Variants in NOS1AP observed in about 807,000 individuals in gnomAD.
NOS1AP encodes nitric oxide synthase 1 adaptor protein, also known as carboxyl-terminal PDZ ligand of neuronal nitric oxide synthase protein.
Under a neutral mutation model 56.2 loss-of-function variants are expected in NOS1AP, and 21 were observed. That is an observed-to-expected ratio of 0.37 (90% CI 0.26 to 0.54). The LOEUF (loss-of-function observed/expected upper bound fraction) is 0.54. Among genes scored for constraint, NOS1AP ranks in the 20% least tolerant of loss-of-function variants. The pLI, the probability that NOS1AP is intolerant of heterozygous loss-of-function variation, is 0.84. For synonymous variants in NOS1AP, 270 were observed against 274.6 expected, an observed-to-expected ratio of 0.98 and a Z score of 0.17; for missense variants, 522 against 657.8, an observed-to-expected ratio of 0.79 and a Z score of 2.26.
At chr1:162,179,815 C>T (rs867959084) in intron 2 of NOS1AP, among the ~76,000 whole-genome samples, 2 of 152,170 alleles carry the variant, frequency 1.3e-5, no homozygotes, top group Non-Finnish European at 2.9e-5. Flanking sequence ...AAAGCTTTGA[C>T]CTCATCCTGC....
At chr1:162,365,662 C>T (rs1338734019) in intron 9 of NOS1AP, 93 bp downstream of exon 9, 5 of 1,448,654 alleles carry the variant, frequency 3.5e-6, no homozygotes, top group African/African-American at 1.4e-5. Context: ...TTTCTTGGAC[C>T]CCTGACCTAC....
At chr1:162,173,542 T>TGGCA (rs1428022020) in intron 2 of NOS1AP, among the ~76,000 whole-genome samples, 11 of 152,120 alleles carry the variant, frequency 7.2e-5, no homozygotes, top group Non-Finnish European at 1.5e-4. Context: ...CCAAAAGCAA[T>TGGCA]GGCAACAAAA....
At chr1:162,363,018 C>A in intron 8 of NOS1AP, 2 of 460,556 alleles carry the variant, frequency 4.3e-6, no homozygotes, top group Non-Finnish European at 5.7e-6. Flanking sequence ...TCCCACACAC[C>A]AAGCAAGCAA....
intron 8 of NOS1AP, among the ~76,000 whole-genome samples, chr1:162,358,077 A>G (rs891098122): frequency 2.6e-5 from 4 of 152,188 alleles, no homozygotes; most frequent in African/African-American, 9.7e-5. Flanking sequence ...GCCTGCATCA[A>G]CATTCTAAAT....
chr1:162,191,301 C>G (rs1263392154), intron 2 of NOS1AP, among the ~76,000 whole-genome samples: 1 of 152,182 alleles, frequency 6.6e-6, no homozygotes, highest in Non-Finnish European at 1.5e-5. Flanking sequence ...TGCCCTGGCC[C>G]CACTTGCTTC....
At chr1:162,255,429 G>C (rs1325923559) in intron 2 of NOS1AP, among the ~76,000 whole-genome samples, 1 of 149,038 alleles carries the variant, frequency 6.7e-6, no homozygotes, top group Non-Finnish European at 1.5e-5. Context: ...TTCAGGTCAG[G>C]AGACCCAGAC....
At chr1:162,086,110 A>G (rs1352990966) in intron 1 of NOS1AP, among the ~76,000 whole-genome samples, 4 of 152,154 alleles carry the variant, frequency 2.6e-5, no homozygotes, top group African/African-American at 7.2e-5. Flanking sequence ...GCGATGGGGC[A>G]GAGCTCATCC....
intron 2 of NOS1AP, among the ~76,000 whole-genome samples, chr1:162,257,597 C>A (rs550998911): frequency 2.6e-5 from 4 of 151,058 alleles, no homozygotes; most frequent in Non-Finnish European, 5.9e-5. Context: ...TGCAGTGAGC[C>A]GAGATCATGC....
At chr1:162,220,041 CT>C (rs1652717109) in intron 2 of NOS1AP, among the ~76,000 whole-genome samples, 1 of 152,214 alleles carries the variant, frequency 6.6e-6, no homozygotes, top group Non-Finnish European at 1.5e-5. Flanking sequence ...AGGGATCCCC[CT>C]GACCTCAGCC....
At chr1:162,136,349 C>T (rs12090048) in intron 1 of NOS1AP, among the ~76,000 whole-genome samples, 7,203 of 152,082 alleles carry the variant, frequency 0.047, 580 homozygotes, top group African/African-American at 0.16. Flanking sequence ...GCTCATGATC[C>T]TCCAACTCCC....
chr1:162,339,041 A>G (rs1252072608), intron 5 of NOS1AP, among the ~76,000 whole-genome samples: 3 of 152,202 alleles, frequency 2.0e-5, no homozygotes, highest in Non-Finnish European at 4.4e-5. Context: ...GTCAGCGTGA[A>G]AAGATGGGTG....
chr1:162,175,943 C>G (rs1411291322), intron 2 of NOS1AP, among the ~76,000 whole-genome samples: 2 of 152,160 alleles, frequency 1.3e-5, no homozygotes, highest in Non-Finnish European at 2.9e-5. Flanking sequence ...GAATCGTTAA[C>G]CCATACCCCC....
rs543708579 is a variant in NOS1AP, at chr1:162,228,670, C to T, written c.178-58674C>T. On this transcript the variant is annotated intron_variant, in intron 2 of 9. Transcript: ENST00000361897. Reference sequence around the variant, plus strand: ...CAAGGCTGACACTTACCTTCTAACTCGCTCAAATGGATCAAGGTTCCTTTT... The same window carrying T: ...CAAGGCTGACACTTACCTTCTAACTTGCTCAAATGGATCAAGGTTCCTTTT... 3.6e-4 allele frequency among the ~76,000 whole-genome samples: 55 copies of T among 152,312 alleles called. No individual in the cohort carries two copies. In the South Asian group the frequency reaches 6.2e-3, roughly 17 times the overall value.
At chr1:162,337,579 T>C (rs980080877) in intron 5 of NOS1AP, among the ~76,000 whole-genome samples, 1 of 152,104 alleles carries the variant, frequency 6.6e-6, no homozygotes, top group Non-Finnish European at 1.5e-5. Flanking sequence ...GATGAGAAAA[T>C]CAATACTGAG....
chr1:162,358,631 G>A (rs948856983), intron 8 of NOS1AP, among the ~76,000 whole-genome samples: 1 of 152,172 alleles, frequency 6.6e-6, no homozygotes, highest in South Asian at 2.1e-4. Context: ...AGCAGTCTGA[G>A]AATCCCCTCC....
intron 1 of NOS1AP, among the ~76,000 whole-genome samples, chr1:162,080,604 A>G (rs1456559617): frequency 2.0e-5 from 3 of 152,194 alleles, no homozygotes; most frequent in Admixed American, 2.0e-4. Context: ...GAGAAAGGAG[A>G]CAGGAAGGAG....
At chr1:162,212,033 T>C (rs1652367346) in intron 2 of NOS1AP, among the ~76,000 whole-genome samples, 1 of 152,216 alleles carries the variant, frequency 6.6e-6, no homozygotes, top group Non-Finnish European at 1.5e-5. Context: ...TCATAATCTC[T>C]AGTCGATGCT....
intron 7 of NOS1AP, among the ~76,000 whole-genome samples, chr1:162,356,280 A>G (rs745596633): frequency 2.0e-5 from 3 of 152,214 alleles, no homozygotes; most frequent in African/African-American, 4.8e-5. Flanking sequence ...CGTAGAAGCC[A>G]TCTTGGTAAA....
chr1:162,125,785 A>G (rs757454898), intron 1 of NOS1AP, among the ~76,000 whole-genome samples: 29 of 151,954 alleles, frequency 1.9e-4, no homozygotes, highest in Non-Finnish European at 3.7e-4. Flanking sequence ...GAATTTTAGG[A>G]TTGTTTTTTC....
Sources: gnomAD v4.1 joint callset for allele counts (sites outside exome capture counted in the v4.1 genomes callset) on GRCh38, gnomAD v4.1.1 for gene constraint, MANE v1.5 for transcripts, NCBI Gene and HGNC (gene_info 2026-07-23, HGNC 2026-07-21) for gene names.